The following TRHDE variants were observed in gnomAD, a reference collection of about 807,000 sequenced individuals.
TRHDE encodes thyrotropin-releasing hormone-degrading ectoenzyme.
TRHDE carries 72 observed loss-of-function variants against 125.7 expected under a neutral mutation model. That is an observed-to-expected ratio of 0.57 (90% CI 0.47 to 0.70). The LOEUF (loss-of-function observed/expected upper bound fraction) is 0.70. Among genes scored for constraint, TRHDE ranks in the 30% least tolerant of loss-of-function variants. The pLI is 0.00. For synonymous variants in TRHDE, 509 were observed against 509.1 expected, an observed-to-expected ratio of 1.00 and a Z score of 0.00; for missense variants, 1,110 against 1,327.1, an observed-to-expected ratio of 0.84 and a Z score of 2.54.
intron 2 of TRHDE, among the ~76,000 whole-genome samples, chr12:72,290,884 A>G (rs1474045424): frequency 2.6e-5 from 4 of 152,212 alleles, no homozygotes; most frequent in African/African-American, 9.6e-5. Flanking sequence ...ACAGAGCATC[A>G]CTTTTAAGAC....
rs1054398325 is a variant in TRHDE, at chr12:72,344,831, G to A, written c.1189-33164G>A. Among the ~76,000 whole-genome samples, 27 of 152,012 alleles carry A rather than the reference G, an allele frequency of 1.8e-4. 1 individual carries two copies. The highest frequency in any genetic ancestry group is 1.3e-4 in the Admixed American group (2 of 15,248). On this transcript the variant is annotated intron_variant, in intron 2 of 18. Coordinates refer to ENST00000261180, the MANE Select transcript of TRHDE (RefSeq NM_013381.3). ...CATCATGAGGAACACTCTTCTTATG[G>A]ATGAACACCCCTGGCTGCACATCTG...
At chr12:72,095,676 CT>C (rs1439504747) in intron 1 of TRHDE, among the ~76,000 whole-genome samples, 1 of 152,130 alleles carries the variant, frequency 6.6e-6, no homozygotes, top group East Asian at 1.9e-4. Flanking sequence ...GGATATTTTC[CT>C]GTAGATCTGG....
intron 2 of TRHDE, among the ~76,000 whole-genome samples, chr12:72,155,507 C>T (rs577822323): frequency 1.3e-5 from 2 of 152,196 alleles, no homozygotes; most frequent in South Asian, 4.2e-4. Context: ...TCTGTTTTTT[C>T]CCCATCTTTG....
intron 2 of TRHDE, chr12:72,140,053 C>G (rs375492955): frequency 5.3e-5 from 8 of 152,146 alleles, no homozygotes; most frequent in Admixed American, 4.6e-4. Context: ...TATTTTGAAA[C>G]GGCGTTGCAA....
intron 15 of TRHDE, among the ~76,000 whole-genome samples, chr12:72,648,380 T>C (rs1263673215): frequency 6.6e-6 from 1 of 152,086 alleles, no homozygotes; most frequent in Admixed American, 6.6e-5. Context: ...TTAAACATAG[T>C]ACTGGAAACC....
At chr12:72,365,791 A>G (rs138620240) in intron 2 of TRHDE, among the ~76,000 whole-genome samples, 2,386 of 152,274 alleles carry the variant, frequency 0.016, 21 homozygotes, top group Non-Finnish European at 0.026. Flanking sequence ...TTGCAAATTC[A>G]GTGGCTTCAC....
rs758942039 is a variant in TRHDE, at chr12:72,597,666, TA to T, written c.2322-21210del. ...TTGGGTGCCAGAGCAAGACCTTGTCTAAAAAAAAAAAAAAACTAAGAGAGGT... is the reference window on the plus strand; with the variant it reads ...TTGGGTGCCAGAGCAAGACCTTGTCTAAAAAAAAAAAAAACTAAGAGAGGT... On this transcript the variant is annotated intron_variant, in intron 12 of 18. Coordinates refer to ENST00000261180, the MANE Select transcript of TRHDE (RefSeq NM_013381.3). Among the ~76,000 whole-genome samples, 342 of 75,652 alleles carry T rather than the reference TA, an allele frequency of 4.5e-3. 4 individuals are homozygous for T. Among genetic ancestry groups the T allele is most frequent in the Non-Finnish European group, 6.8e-3 (292 of 43,148 alleles). 49.6% of individuals were successfully genotyped at this position (75,652 alleles called of 152,430 possible). A position where few individuals can be genotyped will look rare whatever the true frequency, so the allele number is the denominator to read the frequency against.
chr12:72,347,215 T>C (rs1870364445), intron 2 of TRHDE, among the ~76,000 whole-genome samples: 1 of 152,060 alleles, frequency 6.6e-6, no homozygotes. Context: ...AAGAGATGGA[T>C]TCAGAGGAGA....
intron 2 of TRHDE, among the ~76,000 whole-genome samples, chr12:72,107,500 G>T (rs1047272838): frequency 1.3e-5 from 2 of 152,094 alleles, no homozygotes; most frequent in African/African-American, 4.8e-5. Context: ...TCATCTGCTG[G>T]ATCTCTCTGT....
chr12:72,181,261 G>T (rs1877090791), intron 2 of TRHDE, among the ~76,000 whole-genome samples: 1 of 152,134 alleles, frequency 6.6e-6, no homozygotes, highest in Non-Finnish European at 1.5e-5. Flanking sequence ...CTTTTAAAAT[G>T]CTTTCTACGC....
At chr12:72,238,303 T>TACACATA (rs1194770098) in intron 2 of TRHDE, among the ~76,000 whole-genome samples, 3 of 32,046 alleles carry the variant, frequency 9.4e-5, no homozygotes, top group African/African-American at 3.5e-4. Flanking sequence ...TATATATATA[T>TACACATA]ATATATATAT....
chr12:72,298,699 C>A (rs1177103258), intron 2 of TRHDE, among the ~76,000 whole-genome samples: 1 of 152,044 alleles, frequency 6.6e-6, no homozygotes, highest in Non-Finnish European at 1.5e-5. Context: ...CAGAGGGGAA[C>A]CATTGAAGGA....
chr12:72,581,515 T>C (rs1474803871), intron 12 of TRHDE, among the ~76,000 whole-genome samples: 1 of 152,182 alleles, frequency 6.6e-6, no homozygotes, highest in East Asian at 1.9e-4. Context: ...TATGTTAACT[T>C]TAAAAATTTA....
intron 2 of TRHDE, among the ~76,000 whole-genome samples, chr12:72,113,320 T>C (rs1004803993): frequency 6.6e-6 from 1 of 151,940 alleles, no homozygotes; most frequent in African/African-American, 2.4e-5. Flanking sequence ...AGCTCAATCT[T>C]CTCTTAAGAA....
In TRHDE at chr12:72,272,503, T is replaced by C. The variant is rs1004328614; in HGVS notation, c.-141T>C. On this transcript the variant is annotated 5_prime_UTR_variant, in exon 1 of 19. Coordinates refer to ENST00000261180, the MANE Select transcript of TRHDE (RefSeq NM_013381.3). The surrounding 1 kb of genome is among the most constrained non-coding windows in gnomAD (Gnocchi z 6.7). ...TGCCGTCGCTTGTGTCCAGAACCCG[T>C]CTTAAAAGAACCCGGGCCAGCATCC... 150 of 543,926 alleles carry C rather than the reference T, an allele frequency of 2.8e-4. No individual in the cohort carries two copies. The highest frequency in any genetic ancestry group is 4.4e-4 in the Non-Finnish European group (134 of 306,572). 33.7% of individuals were successfully genotyped at this position (543,926 alleles called of 1,614,324 possible).
chr12:72,349,555 C>A (rs111445891), intron 2 of TRHDE, among the ~76,000 whole-genome samples: 1 of 151,076 alleles, frequency 6.6e-6, no homozygotes, highest in African/African-American at 2.4e-5. Context: ...TTTTTTTGGG[C>A]GGGGGGGTGG....
At chr12:72,641,978 C>T (rs769939915) in intron 15 of TRHDE, among the ~76,000 whole-genome samples, 2 of 152,130 alleles carry the variant, frequency 1.3e-5, no homozygotes, top group Non-Finnish European at 2.9e-5. Context: ...GAAGCCCTCA[C>T]AATGTGATTA....
rs115118790 is a variant in TRHDE at position 72,385,241 on chromosome 12, T to A, written c.1315+7120T>A. 7.3e-3 allele frequency among the ~76,000 whole-genome samples: 1,110 copies of A among 152,172 alleles called. 9 individuals are homozygous for A. The highest frequency in any genetic ancestry group is 0.026 in the African/African-American group (1,067 of 41,530). On this transcript the variant is annotated intron_variant, in intron 3 of 18. Transcript: ENST00000261180. ...AAATGTTTCCTTCAACAAGAGCTCT[T>A]CAAATTATTTGATCTTATACTCAGC...
intron 11 of TRHDE, 24 bp downstream of exon 11, chr12:72,575,412 A>C: frequency 6.2e-7 from 1 of 1,613,560 alleles, no homozygotes; most frequent in Non-Finnish European, 8.5e-7. Context: ...TTGCTTATCA[A>C]AGATAATTTT....
Sources: allele counts gnomAD v4.1 joint callset (sites outside exome capture counted in the v4.1 genomes callset), GRCh38; gene constraint gnomAD v4.1.1; non-coding constraint Gnocchi (gnomAD v3.1); transcripts MANE v1.5; gene names NCBI Gene and HGNC (gene_info 2026-07-23, HGNC 2026-07-21).